Variants in UNC119B observed in about 807,000 individuals in gnomAD.
UNC119B encodes the protein unc-119 lipid binding chaperone B.
A neutral mutation model predicts 23.4 loss-of-function variants in UNC119B; 16 were observed. That is an observed-to-expected ratio of 0.68 (90% confidence interval 0.46 to 1.04). UNC119B has a LOEUF of 1.04. Ranked by LOEUF, UNC119B falls within the 50% of genes least tolerant of loss-of-function variation. UNC119B has a pLI of 0.00. For synonymous variants in UNC119B, 144 were observed against 145.4 expected, an observed-to-expected ratio of 0.99 and a Z score of 0.07; for missense variants, 350 against 361.3, an observed-to-expected ratio of 0.97 and a Z score of 0.25.
intron 1 of UNC119B, among the ~76,000 whole-genome samples, chr12:120,712,163 A>G (rs1344595684): frequency 1.3e-5 from 2 of 152,118 alleles, no homozygotes; most frequent in Non-Finnish European, 2.9e-5. Context: ...ATTGTTGCTC[A>G]TTGTCCAAAC....
In UNC119B at chr12:120,720,060, C is replaced by G. The variant is rs1189534400; in HGVS notation, c.*28C>G. 6.5e-7 allele frequency: 1 copy of G among 1,530,160 alleles called. No individual in the cohort carries two copies. Among genetic ancestry groups the G allele is most frequent in the East Asian group, 2.3e-5 (1 of 44,248 alleles). The allele number at this position is 1,530,160 out of a possible 1,614,324, so 94.8% of individuals were successfully genotyped here. On this transcript the variant is annotated 3_prime_UTR_variant, in exon 5 of 5. Transcript: ENST00000344651. ...GCTGCAAGAGTAGATAGGGGAGGTG[C>G]TTTGCCGCGGCCACAAGATCCTGGC...
intron 2 of UNC119B, among the ~76,000 whole-genome samples, chr12:120,714,315 T>G (rs547245): frequency 0.1 from 13,930 of 139,620 alleles, 865 homozygotes; most frequent in African/African-American, 0.19. Flanking sequence ...GTTTTGTGGG[T>G]TTTTTTTTTG....
chr12:120,713,253 G>C, intron 1 of UNC119B, 21 bp from the exon 2 acceptor site: 1 of 1,518,840 alleles, frequency 6.6e-7, no homozygotes. Context: ...AACAGTGTTG[G>C]TTTCTCTCTC....
rs1407431536 is a variant in UNC119B at position 120,723,491 on chromosome 12, C to A, written c.*3459C>A. 6.6e-6 allele frequency: 1 copy of A among 152,442 alleles called. No homozygotes were observed. The highest frequency in any genetic ancestry group is 1.5e-5 in the Non-Finnish European group (1 of 68,046). 9.4% of individuals were successfully genotyped at this position (152,442 alleles called of 1,614,324 possible). A position where few individuals can be genotyped will look rare whatever the true frequency, so the allele number is the denominator to read the frequency against. The stretch of plus-strand genomic sequence containing the variant: ...TACAGAATATAAGAAACATCAATGA[C>A]CTGATCTGTCCTTCCTCCTCCTTCC... On this transcript the variant is annotated 3_prime_UTR_variant, in exon 5 of 5. Coordinates refer to ENST00000344651, the MANE Select transcript of UNC119B (RefSeq NM_001080533.3).
At position 120,721,424 on chromosome 12, in the gene UNC119B, G is replaced by C. The variant is rs546240383; in HGVS notation, c.*1392G>C. 2 of 152,336 alleles carry C rather than the reference G, an allele frequency of 1.3e-5. No homozygotes were observed. Among genetic ancestry groups the C allele is most frequent in the African/African-American group, 4.8e-5 (2 of 41,566 alleles). The allele number at this position is 152,336 out of a possible 1,614,324, so 9.4% of individuals were successfully genotyped here. On this transcript the variant is annotated 3_prime_UTR_variant, in exon 5 of 5. Transcript: ENST00000344651. The stretch of plus-strand genomic sequence containing the variant: ...TCACTAGGAAAGGCCCAGGTATCTG[G>C]TAAGTGACTGTGAGGTGTCACAGTA...
chr12:120,715,790 C>T (rs1882769099), intron 2 of UNC119B, among the ~76,000 whole-genome samples: 1 of 152,106 alleles, frequency 6.6e-6, no homozygotes, highest in African/African-American at 2.4e-5. Context: ...ACCTCGGCCT[C>T]CAAAAGTGCT....
intron 1 of UNC119B, chr12:120,711,820 C>T (rs1305783675): frequency 1.3e-5 from 2 of 152,208 alleles, no homozygotes; most frequent in Admixed American, 6.5e-5. Context: ...CTTGGTCCAC[C>T]CTGTGCGAAA....
rs374302775 is a variant in UNC119B at position 120,716,662 on chromosome 12, C to T, written c.393C>T (p.Asp131=). 1.1e-5 allele frequency: 17 copies of T among 1,614,012 alleles called. No individual in the cohort carries two copies. The highest frequency in any genetic ancestry group is 6.7e-5 in the African/African-American group (5 of 74,902). Residue 131 remains aspartate, a synonymous_variant, in exon 3 of 5, where the codon GAC becomes GAT. Coordinates refer to ENST00000344651, the MANE Select transcript of UNC119B (RefSeq NM_001080533.3). ...QEEDEEEGGG[D]VDISAGRFVR... ...AGGATGAGGAGGAGGGAGGTGGAGACGTGGACATCAGCGCAGGACGTTTTG... is the reference window on the plus strand; with the variant it reads ...AGGATGAGGAGGAGGGAGGTGGAGATGTGGACATCAGCGCAGGACGTTTTG...
At chr12:120,714,538 G>A (rs1882731475) in intron 2 of UNC119B, among the ~76,000 whole-genome samples, 1 of 150,378 alleles carries the variant, frequency 6.6e-6, no homozygotes, top group Non-Finnish European at 1.5e-5. Flanking sequence ...TCAGGCTGGT[G>A]TCAGACGCCT....
chr12:120,713,306 A>G lies in UNC119B; in HGVS notation c.277A>G (p.Ser93Gly), dbSNP rs1444268441. Residue 93 changes from serine to glycine, a missense_variant, in exon 2 of 5, where the codon AGT becomes GGT. By Grantham distance (56) the Ser-to-Gly change is moderately conservative. Coordinates refer to ENST00000344651, the MANE Select transcript of UNC119B (RefSeq NM_001080533.3). ...ATGTAAACCCGAAGACAACATCTAC[A>G]GTATTGATTTCACCCGCTTCAAAAT... is the stretch of plus-strand genomic sequence containing the variant. ...YLCKPEDNIY[S>G]IDFTRFKIRD... 2.5e-6 allele frequency: 4 copies of G among 1,613,866 alleles called. No homozygotes were observed. The highest frequency in any genetic ancestry group is 3.4e-6 in the Non-Finnish European group (4 of 1,179,860).
Position 120,716,663 on chromosome 12 carries a change from G to A in UNC119B, c.394G>A (p.Val132Met), listed in dbSNP as rs368276726. ...GGATGAGGAGGAGGGAGGTGGAGAC[G>A]TGGACATCAGCGCAGGACGTTTTGT... ...EEDEEEGGGD[V>M]DISAGRFVRY... Residue 132 changes from valine to methionine, a missense_variant, in exon 3 of 5, where the codon GTG becomes ATG. Coordinates refer to ENST00000344651, the MANE Select transcript of UNC119B (RefSeq NM_001080533.3). The A allele has an allele frequency of 1.9e-5, 31 of 1,614,076 alleles. No individual in the cohort carries two copies. The highest frequency in any genetic ancestry group is 2.5e-5 in the Non-Finnish European group (29 of 1,180,030).
At chr12:120,716,193 A>G (rs2136931122) in intron 2 of UNC119B, among the ~76,000 whole-genome samples, 2 of 152,346 alleles carry the variant, frequency 1.3e-5, no homozygotes, top group South Asian at 4.1e-4. Flanking sequence ...TCTGAATAGA[A>G]TAGACCATGT....
At chr12:120,719,649 C>A (rs1240010505) in intron 4 of UNC119B, among the ~76,000 whole-genome samples, 1 of 152,122 alleles carries the variant, frequency 6.6e-6, no homozygotes, top group Non-Finnish European at 1.5e-5. Flanking sequence ...GCTGAAGAAT[C>A]CAGGCTGGAG....
In UNC119B at chr12:120,713,314, T is replaced by G; in HGVS notation, c.285T>G (p.Asp95Glu). The G allele has an allele frequency of 6.2e-7, 1 of 1,614,150 alleles. No homozygotes were observed. Among genetic ancestry groups the G allele is most frequent in the Non-Finnish European group, 8.5e-7 (1 of 1,179,966 alleles). The stretch of plus-strand genomic sequence containing the variant: ...CCGAAGACAACATCTACAGTATTGA[T>G]TTCACCCGCTTCAAAATTCGAGATT... ...CKPEDNIYSI[D>E]FTRFKIRDLE... is the part of the protein sequence containing the mutation. The change falls in exon 2 of 5, where the codon GAT becomes GAG. Residue 95 changes from aspartate to glutamate, a missense_variant. Asp to Glu is a conservative substitution (Grantham distance 45). Transcript: ENST00000344651.
intron 2 of UNC119B, among the ~76,000 whole-genome samples, chr12:120,713,673 A>G (rs1486608824): frequency 2.6e-5 from 4 of 152,196 alleles, no homozygotes; most frequent in African/African-American, 9.7e-5. Context: ...TCTCTGTTTT[A>G]CAGCGAAGGA....
rs777813021 is a variant in UNC119B at position 120,710,617 on chromosome 12, C to T, written c.143C>T (p.Ala48Val). The T allele has an allele frequency of 2.8e-6, 4 of 1,440,582 alleles. No individual in the cohort carries two copies. The Middle Eastern group carries it at 7.4e-4, about 265-fold the overall frequency. The allele number at this position is 1,440,582 out of a possible 1,614,324, so 89.2% of individuals were successfully genotyped here. The change falls in exon 1 of 5, where the codon GCG becomes GTG. Residue 48 changes from alanine to valine, a missense_variant. By Grantham distance (64) the Ala-to-Val change is moderately conservative. Coordinates refer to ENST00000344651, the MANE Select transcript of UNC119B (RefSeq NM_001080533.3). The part of the protein sequence containing the change: ...LKARRQAPHH[A>V]ADDGVGAAVT... Reference sequence around the variant, plus strand: ...GCGCGGCGGCAGGCGCCCCACCACGCGGCCGACGACGGCGTCGGGGCAGCG... The same window carrying T: ...GCGCGGCGGCAGGCGCCCCACCACGTGGCCGACGACGGCGTCGGGGCAGCG...
At chr12:120,711,584 C>G (rs2136928458) in intron 1 of UNC119B, 1 of 152,476 alleles carries the variant, frequency 6.6e-6, no homozygotes, top group South Asian at 2.1e-4. Context: ...GCTGTTTTCC[C>G]TGCAGGAGTG....
chr12:120,718,762 C>A (rs141831600), intron 4 of UNC119B, among the ~76,000 whole-genome samples: 8 of 152,328 alleles, frequency 5.3e-5, no homozygotes, highest in African/African-American at 1.9e-4. Context: ...AGTTGCCTTG[C>A]TGGCATCACT....
chr12:120,719,667 A>AG (rs1324477310), intron 4 of UNC119B, among the ~76,000 whole-genome samples: 1 of 152,166 alleles, frequency 6.6e-6, no homozygotes, highest in Non-Finnish European at 1.5e-5. Context: ...GAGATGACAG[A>AG]GGAGGCCATG....
Sources: gnomAD v4.1 joint callset for allele counts (sites outside exome capture counted in the v4.1 genomes callset) on GRCh38, gnomAD v4.1.1 for gene constraint, MANE v1.5 for transcripts, NCBI Gene and HGNC (gene_info 2026-07-23, HGNC 2026-07-21) for gene names.